MED27: variants seen among roughly 807,000 people sequenced by gnomAD.
MED27 encodes mediator complex subunit 27.
In MED27, 30 loss-of-function variants were observed where a neutral mutation model predicts 38.2. The observed-to-expected ratio is 0.79, with a 90% confidence interval of 0.59 to 1.07. The LOEUF (loss-of-function observed/expected upper bound fraction) is 1.07, where lower values mean the gene tolerates loss of function less well. Ranked by LOEUF, MED27 falls within the 50% of genes least tolerant of loss-of-function variation. MED27 has a pLI of 0.00. For synonymous variants in MED27, 122 were observed against 153.5 expected (o/e 0.79, Z 1.52); for missense variants, 289 against 397.5 (o/e 0.73, Z 2.32).
At position 131,949,479 on chromosome 9, in the gene MED27, A is replaced by C. The variant is rs10441803; in HGVS notation, c.480-10005T>G. Among the ~76,000 whole-genome samples the C allele has an allele frequency of 5.5e-3, 845 of 152,308 alleles. 7 individuals are homozygous for C. The highest frequency in any genetic ancestry group is 0.02 in the African/African-American group (813 of 41,580). ...GGCTAAGTGACTTGCCCAGGAAGACACTATGGCTGAGTGGCACAGCTGAGC... is the reference window on the plus strand; with the variant it reads ...GGCTAAGTGACTTGCCCAGGAAGACCCTATGGCTGAGTGGCACAGCTGAGC... On this transcript the variant is annotated intron_variant, in intron 3 of 7. Coordinates refer to ENST00000292035, the MANE Select transcript of MED27 (RefSeq NM_004269.4).
intron 3 of MED27, among the ~76,000 whole-genome samples, chr9:131,957,566 C>T (rs1306174143): frequency 1.3e-5 from 2 of 152,122 alleles, no homozygotes; most frequent in African/African-American, 4.8e-5. Flanking sequence ...GTGCCTGGTC[C>T]AGTTTTATTT....
chr9:132,034,367 C>T (rs1833028046), intron 2 of MED27, among the ~76,000 whole-genome samples: 3 of 152,276 alleles, frequency 2.0e-5, no homozygotes, highest in Admixed American at 2.0e-4. Flanking sequence ...GACTGAGGGT[C>T]ACTAAAGTCA....
At chr9:132,061,141 G>A (rs574596229) in intron 2 of MED27, among the ~76,000 whole-genome samples, 2 of 152,184 alleles carry the variant, frequency 1.3e-5, no homozygotes, top group Admixed American at 6.5e-5. Context: ...AAAGGGGGGC[G>A]GCAAAAGGAT....
rs890182393 is a variant in MED27 at position 131,862,140 on chromosome 9, G to A, written c.801+923C>T. On this transcript the variant is annotated intron_variant, in intron 7 of 7. Coordinates refer to ENST00000292035, the MANE Select transcript of MED27 (RefSeq NM_004269.4). The surrounding 1 kb of genome is among the most constrained non-coding windows in gnomAD (Gnocchi z 4.6). ...TGCCAGCATCATGAAGCCAATCAACGCACCAGGGATGTGTCTTCTGAGGAA... is the reference window on the plus strand; with the variant it reads ...TGCCAGCATCATGAAGCCAATCAACACACCAGGGATGTGTCTTCTGAGGAA... Among the ~76,000 whole-genome samples the A allele has an allele frequency of 1.3e-5, 2 of 152,184 alleles. No homozygotes were observed. Among genetic ancestry groups the A allele is most frequent in the African/African-American group, 4.8e-5 (2 of 41,448 alleles).
intron 3 of MED27, among the ~76,000 whole-genome samples, chr9:131,945,795 TAAAA>T (rs56741813): frequency 1.7e-5 from 2 of 119,018 alleles, no homozygotes; most frequent in African/African-American, 3.2e-5. Context: ...TCCTGTCTCT[TAAAA>T]AAAAAAAAAA....
chr9:131,992,787 C>G (rs1051282033), intron 3 of MED27, among the ~76,000 whole-genome samples: 6 of 152,138 alleles, frequency 3.9e-5, no homozygotes, highest in African/African-American at 1.2e-4. Flanking sequence ...TTCCTCCTTG[C>G]CCCTTGCTGG....
intron 3 of MED27, among the ~76,000 whole-genome samples, chr9:131,968,933 G>A (rs532622378): frequency 5.9e-5 from 9 of 152,254 alleles, no homozygotes; most frequent in South Asian, 4.1e-4. Context: ...CTGCGCATGC[G>A]AGGGATCTAG....
At chr9:131,990,884 C>T (rs7044246) in intron 3 of MED27, among the ~76,000 whole-genome samples, 103,490 of 152,116 alleles carry the variant, frequency 0.68, 35,401 homozygotes, top group Middle Eastern at 0.7. Flanking sequence ...ACACTATGCA[C>T]TAATCAGATA....
At chr9:131,992,125 C>A (rs1318594511) in intron 3 of MED27, among the ~76,000 whole-genome samples, 1 of 152,126 alleles carries the variant, frequency 6.6e-6, no homozygotes, top group Non-Finnish European at 1.5e-5. Context: ...GCCCAATTCC[C>A]ATATTATTTG....
chr9:131,922,613 G>A (rs1830414636), intron 4 of MED27, among the ~76,000 whole-genome samples: 1 of 148,680 alleles, frequency 6.7e-6, no homozygotes, highest in Admixed American at 6.8e-5. Context: ...GCTAATTTTT[G>A]TATTTTTATT....
intron 3 of MED27, among the ~76,000 whole-genome samples, chr9:131,945,912 G>A (rs1361872698): frequency 6.7e-6 from 1 of 149,752 alleles, no homozygotes; most frequent in Non-Finnish European, 1.5e-5. Flanking sequence ...AGGAGGCAGT[G>A]AGCCATGATT....
Position 131,862,791 on chromosome 9 carries a change from G to A in MED27, c.801+272C>T, listed in dbSNP as rs1468397346. Among the ~76,000 whole-genome samples, 1 of 152,220 alleles carries A rather than the reference G, an allele frequency of 6.6e-6. No individual in the cohort carries two copies. The highest frequency in any genetic ancestry group is 1.5e-5 in the Non-Finnish European group (1 of 68,048). On this transcript the variant is annotated intron_variant, in intron 7 of 7. Transcript: ENST00000292035. This position sits in a 1 kb window ranked among gnomAD's most constrained non-coding sequence, Gnocchi z 4.6. ...TTAGGAGCTCAATGAAATATCTGTG[G>A]ACTAAGTCAATGCTGGAACTATTTT...
intron 4 of MED27, among the ~76,000 whole-genome samples, chr9:131,932,248 AAATTAAAC>A (rs1830602894): frequency 6.6e-6 from 1 of 152,174 alleles, no homozygotes; most frequent in African/African-American, 2.4e-5. Context: ...AAACACACGG[AAATTAAAC>A]AATATGCTCC....
intron 3 of MED27, among the ~76,000 whole-genome samples, chr9:131,963,639 A>G (rs1831270318): frequency 6.6e-6 from 1 of 152,096 alleles, no homozygotes; most frequent in African/African-American, 2.4e-5. Context: ...AATTTTTTCT[A>G]TTTTTATGAG....
intron 3 of MED27, among the ~76,000 whole-genome samples, chr9:131,976,568 A>C (rs975683953): frequency 5.3e-5 from 8 of 152,232 alleles, no homozygotes; most frequent in Admixed American, 3.3e-4. Flanking sequence ...CCAATCTCCC[A>C]TTACAAATAG....
rs542726861 is a variant in MED27, at chr9:131,869,879, C to T, written c.724-6739G>A. Among the ~76,000 whole-genome samples the T allele has an allele frequency of 3.3e-5, 5 of 152,254 alleles. No homozygotes were observed. The South Asian group carries it at 8.3e-4, about 25-fold the overall frequency. On this transcript the variant is annotated intron_variant, in intron 6 of 7. Coordinates refer to ENST00000292035, the MANE Select transcript of MED27 (RefSeq NM_004269.4). ...TTTGAGAAGGGTGACATCTCCATTG[C>T]CTGCCAACAGATCCAGTCCACTTGA...
intron 3 of MED27, among the ~76,000 whole-genome samples, chr9:131,991,036 C>T (rs1370856903): frequency 6.6e-6 from 1 of 152,138 alleles, no homozygotes. Context: ...CATAGCAAGT[C>T]CTGTCTTTTA....
At chr9:131,874,136 G>A (rs966950289) in intron 6 of MED27, among the ~76,000 whole-genome samples, 1 of 152,210 alleles carries the variant, frequency 6.6e-6, no homozygotes, top group Non-Finnish European at 1.5e-5. Flanking sequence ...CCGGCTCCTG[G>A]AGGAATCCGC....
At chr9:131,925,098 G>A (rs767717081) in intron 4 of MED27, among the ~76,000 whole-genome samples, 5 of 152,130 alleles carry the variant, frequency 3.3e-5, no homozygotes, top group African/African-American at 1.2e-4. Flanking sequence ...TCTGCTGGGA[G>A]GCAAAAATCA....
Sources: gnomAD v4.1 joint callset for allele counts (sites outside exome capture counted in the v4.1 genomes callset) on GRCh38, gnomAD v4.1.1 for gene constraint, Gnocchi (gnomAD v3.1) non-coding constraint, MANE v1.5 for transcripts, NCBI Gene and HGNC (gene_info 2026-07-23, HGNC 2026-07-21) for gene names.